Variants in DMAC2L observed in about 807,000 individuals in gnomAD.
DMAC2L encodes the protein ATP synthase subunit s, mitochondrial.
A neutral mutation model predicts 22.5 loss-of-function variants in DMAC2L; 21 were observed. That is an observed-to-expected ratio of 0.93 (90% CI 0.66 to 1.34). The LOEUF (loss-of-function observed/expected upper bound fraction) is 1.34, where lower values mean the gene tolerates loss of function less well. DMAC2L is among the 40% of genes most tolerant of loss of function. The probability of loss-of-function intolerance (pLI) is 0.00; values close to 1 mark genes in which losing one functional copy is unlikely to be tolerated. For missense variants in DMAC2L, 239 were observed against 246.5 expected (o/e 0.97, Z 0.20); for synonymous variants, 86 against 89.5 (o/e 0.96, Z 0.22).
upstream of DMAC2L, chr14:50,312,122 C>A (rs773202214): frequency 6.2e-7 from 1 of 1,610,174 alleles, no homozygotes; most frequent in African/African-American, 1.3e-5. Context: ...TCCGCAGGCA[C>A]CAACCAAATA....
At chr14:50,312,965 C>T in intron 1 of DMAC2L, 2 of 1,611,716 alleles carry the variant, frequency 1.2e-6, no homozygotes, top group Non-Finnish European at 1.7e-6. Context: ...CGGTTTTTGC[C>T]ACCATTTATA....
chr14:50,317,050 T>C (rs2031863619), intron 2 of DMAC2L, among the ~76,000 whole-genome samples: 1 of 152,244 alleles, frequency 6.6e-6, no homozygotes, highest in South Asian at 2.1e-4. Flanking sequence ...ATGTTGACTC[T>C]ATCCATCCAT....
chr14:50,326,688 A>G lies in DMAC2L; in HGVS notation c.*965A>G, dbSNP rs958585568. On this transcript the variant is annotated 3_prime_UTR_variant, in exon 6 of 6. Transcript: ENST00000557421. ...GAATACAAATAGTTTTGCAGATTGC[A>G]ATATAATAAAGGAAACAGTAAAAAC... The G allele has an allele frequency of 1.0e-6, 1 of 985,300 alleles. No individual in the cohort carries two copies. The highest frequency in any genetic ancestry group is 4.7e-5 in the South Asian group (1 of 21,290). The allele number at this position is 985,300 out of a possible 1,614,324, so 61.0% of individuals were successfully genotyped here.
At chr14:50,315,120 C>T (rs1387225060) in intron 2 of DMAC2L, among the ~76,000 whole-genome samples, 1 of 152,026 alleles carries the variant, frequency 6.6e-6, no homozygotes, top group Non-Finnish European at 1.5e-5. Flanking sequence ...GCACCTGCCA[C>T]TATGCCCGGC....
chr14:50,323,975 T>C lies in DMAC2L; in HGVS notation c.347T>C (p.Leu116Pro), dbSNP rs776050973. ...EGLEHVEKIR[L>P]CKCHYIEDDC... ...CTAGAGCATGTTGAAAAAATAAGGC[T>C]GTGCAAGTGTCATTATATCGAGGAT... The change falls in exon 5 of 6, where the codon CTG becomes CCG. Residue 116 changes from leucine (L) to proline (P), a missense_variant. Leu to Pro is a moderately conservative substitution (Grantham distance 98). Coordinates refer to ENST00000557421, the MANE Select transcript of DMAC2L (RefSeq NM_001382507.1). The C allele has an allele frequency of 1.9e-6, 3 of 1,612,722 alleles. No individual in the cohort carries two copies. In the South Asian group the frequency reaches 3.3e-5, roughly 18 times the overall value.
intron 4 of DMAC2L, among the ~76,000 whole-genome samples, chr14:50,323,512 G>C (rs1267701766): frequency 1.3e-5 from 2 of 150,882 alleles, no homozygotes; most frequent in Non-Finnish European, 2.9e-5. Flanking sequence ...TCCTGCCTCA[G>C]CCTCCCAAGT....
At position 50,312,383 on chromosome 14, in the gene DMAC2L, C is replaced by T. The variant is rs1163824167; in HGVS notation, c.-48C>T. The T allele has an allele frequency of 5.0e-6, 3 of 599,464 alleles. No homozygotes were observed. The highest frequency in any genetic ancestry group is 4.5e-4 in the Middle Eastern group (1 of 2,228). 37.1% of individuals were successfully genotyped at this position (599,464 alleles called of 1,614,324 possible). On this transcript the variant is annotated 5_prime_UTR_variant, in exon 1 of 6. Coordinates refer to ENST00000557421, the MANE Select transcript of DMAC2L (RefSeq NM_001382507.1). Reference sequence around the variant, plus strand: ...GGCTCGCTCCCTCCCTCCCTCCCTCCGACGCTGTGAGTAGAGAAGCTAGGC... The same window carrying T: ...GGCTCGCTCCCTCCCTCCCTCCCTCTGACGCTGTGAGTAGAGAAGCTAGGC...
intron 2 of DMAC2L, chr14:50,319,161 A>T (rs1426423312): frequency 6.6e-7 from 1 of 1,526,496 alleles, no homozygotes; most frequent in Non-Finnish European, 8.8e-7. Context: ...AATAAGATTG[A>T]CAACTAATAG....
Position 50,326,575 on chromosome 14 carries a change from T to G in DMAC2L, c.*852T>G. ...CTTGTGTTCTTGATAGCATACAGAC[T>G]TACTCAGAATCAACAGTTGCTGCTT... On this transcript the variant is annotated 3_prime_UTR_variant, in exon 6 of 6. Coordinates refer to ENST00000557421, the MANE Select transcript of DMAC2L (RefSeq NM_001382507.1). 2 of 985,450 alleles carry G rather than the reference T, an allele frequency of 2.0e-6. No individual in the cohort carries two copies. Among genetic ancestry groups the G allele is most frequent in the African/African-American group, 1.7e-5 (1 of 57,358 alleles). The allele number at this position is 985,450 out of a possible 1,614,324, so 61.0% of individuals were successfully genotyped here. A position where few individuals can be genotyped will look rare whatever the true frequency, so the allele number is the denominator to read the frequency against.
chr14:50,324,147 A>T, intron 5 of DMAC2L, 31 bp downstream of exon 5: 18 of 1,586,468 alleles, frequency 1.1e-5, no homozygotes, highest in Non-Finnish European at 1.5e-5. Context: ...TGGAAACTTG[A>T]TAATGCTGTT....
intron 4 of DMAC2L, 91 bp downstream of exon 4, chr14:50,322,810 T>C (rs554871371): frequency 6.3e-7 from 1 of 1,575,548 alleles, no homozygotes; most frequent in Non-Finnish European, 8.7e-7. Flanking sequence ...GTCATAGGTA[T>C]GTCCTTTTTG....
chr14:50,322,884 A>G, intron 4 of DMAC2L, 165 bp downstream of exon 4: 1 of 1,465,818 alleles, frequency 6.8e-7, no homozygotes, highest in Non-Finnish European at 9.0e-7. Context: ...AATTAAATTG[A>G]GGTTACAGAC....
upstream of DMAC2L, chr14:50,311,537 G>A: frequency 6.7e-6 from 3 of 449,516 alleles, no homozygotes; most frequent in South Asian, 1.6e-5. Context: ...AGCTGCCTCC[G>A]ACGGGGGCAA....
In DMAC2L at chr14:50,321,572, T is replaced by C; in HGVS notation, c.85T>C (p.Trp29Arg). Residue 29 changes from tryptophan (W) to arginine (R), a missense_variant, in exon 3 of 6, where the codon TGG becomes CGG. Physicochemically the swap from Trp to Arg is moderately radical, Grantham distance 101 (BLOSUM62 -3). Transcript: ENST00000557421. ...WSCDSRYFWGWLNAVFNKVDY... is the reference protein window; with the variant it reads ...WSCDSRYFWGRLNAVFNKVDY... ...ATGTGACTCCAGATACTTCTGGGGC[T>C]GGTTGAATGCAGTGTTTAATAAGTA... 1 of 1,613,390 alleles carries C rather than the reference T, an allele frequency of 6.2e-7. No homozygotes were observed. The highest frequency in any genetic ancestry group is 8.5e-7 in the Non-Finnish European group (1 of 1,179,350).
rs1056789840 is a variant in DMAC2L, at chr14:50,327,592, G to A, written c.*1869G>A. 1 of 151,062 alleles carries A rather than the reference G, an allele frequency of 6.6e-6. No individual in the cohort carries two copies. The highest frequency in any genetic ancestry group is 2.4e-5 in the African/African-American group (1 of 41,074). 9.4% of individuals were successfully genotyped at this position (151,062 alleles called of 1,614,324 possible). The stretch of plus-strand genomic sequence containing the variant: ...GCAGTTCTCTGTCGCAGCGTCCCAG[G>A]TAGCTGGGATTACAGGCGCCCACCA... On this transcript the variant is annotated 3_prime_UTR_variant, in exon 6 of 6. Coordinates refer to ENST00000557421, the MANE Select transcript of DMAC2L (RefSeq NM_001382507.1).
chr14:50,315,723 C>T (rs922648123), intron 2 of DMAC2L, among the ~76,000 whole-genome samples: 32 of 148,996 alleles, frequency 2.1e-4, no homozygotes, highest in South Asian at 2.1e-4. Flanking sequence ...CAGGTTGCTG[C>T]GAATGCCATT....
At chr14:50,316,091 T>C (rs1223198736) in intron 2 of DMAC2L, among the ~76,000 whole-genome samples, 1 of 152,206 alleles carries the variant, frequency 6.6e-6, no homozygotes, top group East Asian at 1.9e-4. Flanking sequence ...ATTTTTTGAT[T>C]ATGGCCATTC....
chr14:50,319,419 T>C, intron 2 of DMAC2L: 1 of 1,427,686 alleles, frequency 7.0e-7, no homozygotes. Context: ...CTCTTCTTTC[T>C]CTTGAATTCC....
chr14:50,326,858 C>A lies in DMAC2L; in HGVS notation c.*1135C>A. On this transcript the variant is annotated 3_prime_UTR_variant, in exon 6 of 6. Coordinates refer to ENST00000557421, the MANE Select transcript of DMAC2L (RefSeq NM_001382507.1). ...GAGTTTGAGACCAATTTGGGCAACA[C>A]AGTGAGACCCCATCTCTAAAAAAAT... The A allele has an allele frequency of 3.2e-6, 2 of 617,778 alleles. No individual in the cohort carries two copies. Among genetic ancestry groups the A allele is most frequent in the Non-Finnish European group, 4.0e-6 (2 of 494,766 alleles). 38.3% of individuals were successfully genotyped at this position (617,778 alleles called of 1,614,324 possible).
Sources: allele counts gnomAD v4.1 joint callset (sites outside exome capture counted in the v4.1 genomes callset), GRCh38; gene constraint gnomAD v4.1.1; transcripts MANE v1.5; gene names NCBI Gene and HGNC (gene_info 2026-07-23, HGNC 2026-07-21).